Variants in PCNT observed in about 807,000 individuals in gnomAD.
PCNT encodes kendrin.
Under a neutral mutation model 380.4 loss-of-function variants are expected in PCNT, and 319 were observed. The ratio of observed to expected loss-of-function variants is 0.84; its 90% confidence interval spans 0.77 to 0.92. The LOEUF (loss-of-function observed/expected upper bound fraction) is 0.92. Among genes scored for constraint, PCNT ranks in the 40% least tolerant of loss-of-function variants. The pLI, the probability that PCNT is intolerant of heterozygous loss-of-function variation, is 0.00. For missense variants in PCNT, 4,400 were observed against 4,255.3 expected (o/e 1.03, Z -0.95); for synonymous variants, 1,845 against 1,735.2 (o/e 1.06, Z -1.57).
Position 46,430,242 on chromosome 21 carries a change from A to G in PCNT, c.7913+10A>G. The G allele has an allele frequency of 6.2e-7, 1 of 1,607,880 alleles. No homozygotes were observed. On this transcript the variant is annotated intron_variant, in intron 36 of 46. Coordinates refer to ENST00000359568, the MANE Select transcript of PCNT (RefSeq NM_006031.6). ...AGGTCCTCCAGCTGAGGTGCGCCTG[A>G]TCCCCCTTCCTGGGACACTGGCGGG...
chr21:46,406,898 A>G lies in PCNT; in HGVS notation c.5116-4291A>G, dbSNP rs147637805. On this transcript the variant is annotated intron_variant, in intron 27 of 46. Transcript: ENST00000359568. ...TAAACTAACCTTGCGGTTCTAGGAT[A>G]AACCATACCTGGTAGTGATGTACTG... 2.2e-3 allele frequency among the ~76,000 whole-genome samples: 331 copies of G among 152,388 alleles called. 3 individuals are homozygous for G. Among genetic ancestry groups the G allele is most frequent in the Middle Eastern group, 0.01 (3 of 294 alleles).
In PCNT at chr21:46,445,360, C is replaced by G. The variant is rs961397888; in HGVS notation, c.*33C>G. On this transcript the variant is annotated 3_prime_UTR_variant, in exon 47 of 47. Transcript: ENST00000359568. ...GTCATGGCTCTTTCCTGCGACAATT[C>G]TATTTGAGGAAAAGATTTGTTTTTC... 2 of 1,528,248 alleles carry G rather than the reference C, an allele frequency of 1.3e-6. No homozygotes were observed. The highest frequency in any genetic ancestry group is 9.1e-7 in the Non-Finnish European group (1 of 1,101,550). The allele number at this position is 1,528,248 out of a possible 1,614,324, so 94.7% of individuals were successfully genotyped here. A position where few individuals can be genotyped will look rare whatever the true frequency, so the allele number is the denominator to read the frequency against.
At chr21:46,427,972 T>C (rs2087580493) in intron 34 of PCNT, among the ~76,000 whole-genome samples, 177 bp downstream of exon 34, 1 of 152,214 alleles carries the variant, frequency 6.6e-6, no homozygotes, top group Non-Finnish European at 1.5e-5. Context: ...TGCTGCACTT[T>C]TCCACCTGCA....
At chr21:46,390,645 T>G in intron 19 of PCNT, 25 bp from the exon 20 acceptor site, 1 of 1,613,048 alleles carries the variant, frequency 6.2e-7, no homozygotes, top group Non-Finnish European at 8.5e-7. Flanking sequence ...ATCTGGAGTT[T>G]TGATTTGCAA....
chr21:46,356,081 GGT>G (rs1009157424), intron 12 of PCNT, among the ~76,000 whole-genome samples: 8 of 152,224 alleles, frequency 5.3e-5, no homozygotes, highest in African/African-American at 1.9e-4. Flanking sequence ...GGGGTCAGAA[GGT>G]GACGGAGAGG....
intron 33 of PCNT, 66 bp downstream of exon 33, chr21:46,426,037 C>T: frequency 7.1e-7 from 1 of 1,400,746 alleles, no homozygotes; most frequent in Non-Finnish European, 1.0e-6. Context: ...ATGGCCGCGT[C>T]CTTAGGGCCA....
chr21:46,402,786 G>A (rs957915684), intron 27 of PCNT, among the ~76,000 whole-genome samples: 2 of 152,270 alleles, frequency 1.3e-5, no homozygotes, highest in South Asian at 2.1e-4. Context: ...TGTGAGAGGC[G>A]TGAAGCTATT....
intron 35 of PCNT, among the ~76,000 whole-genome samples, chr21:46,429,526 G>A (rs1408045126): frequency 6.6e-6 from 1 of 152,174 alleles, no homozygotes; most frequent in Non-Finnish European, 1.5e-5. Context: ...CTCGTGAGGG[G>A]CACTGGTCTG....
In PCNT at chr21:46,324,168, G is replaced by C. The variant is rs967355188; in HGVS notation, c.-61G>C. 3.5e-6 allele frequency: 5 copies of C among 1,431,694 alleles called. No individual in the cohort carries two copies. Among genetic ancestry groups the C allele is most frequent in the Admixed American group, 3.7e-5 (2 of 54,288 alleles). 88.7% of individuals were successfully genotyped at this position (1,431,694 alleles called of 1,614,324 possible). Reference sequence around the variant, plus strand: ...GCGCGGGGGAGGGAGTGTAAATAGAGCGAAGGCTGCTCTGTGTCAGCCCCG... The same window carrying C: ...GCGCGGGGGAGGGAGTGTAAATAGACCGAAGGCTGCTCTGTGTCAGCCCCG... On this transcript the variant is annotated 5_prime_UTR_variant, in exon 1 of 47. Transcript: ENST00000359568.
chr21:46,327,396 CT>C (rs2083428640), intron 2 of PCNT, among the ~76,000 whole-genome samples: 1 of 149,976 alleles, frequency 6.7e-6, no homozygotes, highest in African/African-American at 2.4e-5. Flanking sequence ...TTTTCTTTTT[CT>C]TTTTTTTTCT....
Position 46,378,554 on chromosome 21 carries a change from G to T in PCNT, c.3166-3140G>T, listed in dbSNP as rs115929827. On this transcript the variant is annotated intron_variant, in intron 15 of 46. Coordinates refer to ENST00000359568, the MANE Select transcript of PCNT (RefSeq NM_006031.6). Reference sequence around the variant, plus strand: ...CGGACAGAAGGATGACCCCCGGCCTGGCCTGCGAGATTTCCTCACACCGTT... The same window carrying T: ...CGGACAGAAGGATGACCCCCGGCCTTGCCTGCGAGATTTCCTCACACCGTT... Among the ~76,000 whole-genome samples the T allele has an allele frequency of 2.4e-3, 358 of 152,174 alleles. 1 individual carries two copies. The highest frequency in any genetic ancestry group is 8.0e-3 in the African/African-American group (333 of 41,504).
chr21:46,363,829 A>C lies in PCNT; in HGVS notation c.2504A>C (p.His835Pro), dbSNP rs764267881. The C allele has an allele frequency of 1.2e-6, 2 of 1,612,402 alleles. No homozygotes were observed. Among genetic ancestry groups the C allele is most frequent in the South Asian group, 2.2e-5 (2 of 91,062 alleles). ...EQDLTSDDAL[H>P]CSQCGREPPT... ...GACCTCACTTCAGACGACGCCCTGC[A>C]TTGCAGCCAGTGTGGGCGGGAGCCG... Residue 835 changes from histidine to proline, a missense_variant, in exon 14 of 47, where the codon CAT becomes CCT. By Grantham distance (77) the His-to-Pro change is moderately conservative (BLOSUM62 -2). Transcript: ENST00000359568.
intron 38 of PCNT, 97 bp downstream of exon 38, chr21:46,432,312 C>A: frequency 8.3e-7 from 1 of 1,208,094 alleles, no homozygotes. Context: ...TATGTCTGGC[C>A]CTCTGACCTG....
rs755963151 is a variant in PCNT, at chr21:46,363,574, C to T, written c.2249C>T (p.Thr750Met). 1.4e-5 allele frequency: 22 copies of T among 1,613,894 alleles called. No individual in the cohort carries two copies. The East Asian group carries it at 3.1e-4, about 23-fold the overall frequency. The change falls in exon 14 of 47, where the codon ACG (threonine) becomes ATG (methionine). Residue 750 changes from threonine (T) to methionine (M), a missense_variant. Physicochemically the swap from Thr to Met is moderately conservative, Grantham distance 81. Coordinates refer to ENST00000359568, the MANE Select transcript of PCNT (RefSeq NM_006031.6). The part of the protein sequence containing the change: ...LMKQEFQRKE[T>M]DWKVMKEELQ... ...AAACAGGAATTCCAAAGAAAAGAAA[C>T]GGACTGGAAAGTTATGAAGGAGGAG... is the stretch of plus-strand genomic sequence containing the variant.
chr21:46,353,956 G>T, intron 10 of PCNT, 31 bp from the exon 11 acceptor site: 7 of 1,593,052 alleles, frequency 4.4e-6, no homozygotes, highest in Non-Finnish European at 6.0e-6. Flanking sequence ...GGGTACGTGT[G>T]TAAAGCTTTT....
intron 21 of PCNT, among the ~76,000 whole-genome samples, chr21:46,391,886 G>A (rs1427264768): frequency 6.6e-6 from 1 of 152,240 alleles, no homozygotes; most frequent in African/African-American, 2.4e-5. Context: ...GTCCTCAGTA[G>A]CTGGTTCAGC....
At chr21:46,403,315 G>C (rs2066932) in intron 27 of PCNT, among the ~76,000 whole-genome samples, 17 of 138,058 alleles carry the variant, frequency 1.2e-4, no homozygotes, top group African/African-American at 2.6e-4. Context: ...TGAACACAGC[G>C]TGGGAGAATT....
chr21:46,352,968 C>T (rs2146649890), intron 9 of PCNT, 136 bp from the exon 10 acceptor site: 6 of 739,634 alleles, frequency 8.1e-6, no homozygotes, highest in South Asian at 5.9e-5. Flanking sequence ...GTAGGGGTCC[C>T]TCATCCCTCT....
intron 9 of PCNT, among the ~76,000 whole-genome samples, 194 bp from the exon 10 acceptor site, chr21:46,352,910 C>G (rs1160054422): frequency 6.6e-6 from 1 of 152,176 alleles, no homozygotes; most frequent in Non-Finnish European, 1.5e-5. Flanking sequence ...CTCTTGCCAC[C>G]GCTTGGAGAG....
Sources: gnomAD v4.1 joint callset for allele counts (sites outside exome capture counted in the v4.1 genomes callset) on GRCh38, gnomAD v4.1.1 for gene constraint, MANE v1.5 for transcripts, NCBI Gene and HGNC (gene_info 2026-07-23, HGNC 2026-07-21) for gene names.